Variants in GALNT18 observed in about 807,000 individuals in gnomAD.
GALNT18 encodes the protein polypeptide N-acetylgalactosaminyltransferase 18.
Under a neutral mutation model 69.5 loss-of-function variants are expected in GALNT18, and 44 were observed. The ratio of observed to expected loss-of-function variants is 0.63; its 90% CI spans 0.50 to 0.81. The LOEUF (loss-of-function observed/expected upper bound fraction) is 0.81, where lower values mean the gene tolerates loss of function less well. GALNT18 is among the 40% of genes least tolerant of loss of function. GALNT18 has a pLI of 0.00. For synonymous variants in GALNT18, 364 were observed against 318.2 expected (o/e 1.14, Z -1.53); for missense variants, 715 against 810.0 (o/e 0.88, Z 1.42).
chr11:11,376,538 G>A (rs756079488), intron 5 of GALNT18, among the ~76,000 whole-genome samples: 4 of 152,172 alleles, frequency 2.6e-5, no homozygotes, highest in Non-Finnish European at 5.9e-5. Flanking sequence ...TTGAAATGCA[G>A]TATGAAGTCA....
At chr11:11,549,496 T>G (rs183283049) in intron 1 of GALNT18, among the ~76,000 whole-genome samples, 126 of 152,350 alleles carry the variant, frequency 8.3e-4, no homozygotes, top group Middle Eastern at 3.4e-3. Context: ...TTAAGGGGCT[T>G]CTTCCATCCA....
At chr11:11,408,849 C>T (rs1178743013) in intron 3 of GALNT18, among the ~76,000 whole-genome samples, 2 of 152,156 alleles carry the variant, frequency 1.3e-5, no homozygotes, top group African/African-American at 4.8e-5. Context: ...CAGAGCAGTG[C>T]TCTGCAAAGG....
chr11:11,545,531 G>A (rs769181623), intron 1 of GALNT18, among the ~76,000 whole-genome samples: 12 of 152,164 alleles, frequency 7.9e-5, no homozygotes, highest in Non-Finnish European at 1.0e-4. Flanking sequence ...AGATAAGCGC[G>A]TGCACAGTGT....
At chr11:11,354,199 G>A (rs1040372050) in intron 6 of GALNT18, among the ~76,000 whole-genome samples, 2 of 152,190 alleles carry the variant, frequency 1.3e-5, no homozygotes, top group Admixed American at 6.5e-5. Flanking sequence ...GTCACCGATA[G>A]CAAACTCTCA....
chr11:11,414,695 C>G (rs554756623), intron 3 of GALNT18, among the ~76,000 whole-genome samples: 1 of 152,198 alleles, frequency 6.6e-6, no homozygotes, highest in African/African-American at 2.4e-5. Context: ...ACGCTGGGAG[C>G]TCTGTAAGAG....
intron 10 of GALNT18, among the ~76,000 whole-genome samples, chr11:11,273,683 C>T (rs1057391704): frequency 1.3e-5 from 2 of 152,122 alleles, no homozygotes; most frequent in Non-Finnish European, 2.9e-5. Context: ...CTAGCAATCC[C>T]ATTGTTGGGT....
chr11:11,440,380 G>C (rs1855507867), intron 2 of GALNT18, among the ~76,000 whole-genome samples: 1 of 152,206 alleles, frequency 6.6e-6, no homozygotes, highest in Non-Finnish European at 1.5e-5. Flanking sequence ...CACTCTGTGT[G>C]GTGGGTTTGT....
At chr11:11,445,554 C>T (rs933253981) in intron 2 of GALNT18, among the ~76,000 whole-genome samples, 1 of 152,192 alleles carries the variant, frequency 6.6e-6, no homozygotes, top group Non-Finnish European at 1.5e-5. Context: ...CACTGTTTTA[C>T]CTAAGCACAT....
At position 11,332,357 on chromosome 11, in the gene GALNT18, C is replaced by G. The variant is rs1009084375; in HGVS notation, c.1416+337G>C. 2.0e-4 allele frequency among the ~76,000 whole-genome samples: 31 copies of G among 152,214 alleles called. No homozygotes were observed. The highest frequency in any genetic ancestry group is 7.5e-4 in the African/African-American group (31 of 41,444). On this transcript the variant is annotated intron_variant, in intron 8 of 10. Transcript: ENST00000227756. The surrounding 1 kb of genome is among the most constrained non-coding windows in gnomAD (Gnocchi z 4.3). ...GGTGACTCATAGACCCTCAGGCACC[C>G]CAGCTGGGAGAACAGCAGGTGTTTG...
At chr11:11,380,813 T>C (rs762809343) in intron 3 of GALNT18, among the ~76,000 whole-genome samples, 4 of 152,266 alleles carry the variant, frequency 2.6e-5, no homozygotes, top group Non-Finnish European at 5.9e-5. Flanking sequence ...AGTGTTTTTG[T>C]CCCCTGATTT....
intron 10 of GALNT18, among the ~76,000 whole-genome samples, chr11:11,282,524 G>GT (rs1456402932): frequency 2.3e-4 from 35 of 152,332 alleles, no homozygotes; most frequent in Admixed American, 2.2e-3. Flanking sequence ...TAAATGAGCA[G>GT]TAAGTAGTGG....
At chr11:11,447,303 A>G (rs183471602) in intron 2 of GALNT18, among the ~76,000 whole-genome samples, 1 of 152,192 alleles carries the variant, frequency 6.6e-6, no homozygotes, top group East Asian at 1.9e-4. Context: ...GTCTTCTCTG[A>G]CCACGCAGGA....
intron 1 of GALNT18, among the ~76,000 whole-genome samples, chr11:11,506,120 C>A (rs1371608564): frequency 6.6e-6 from 1 of 152,140 alleles, no homozygotes; most frequent in African/African-American, 2.4e-5. Flanking sequence ...GTGAAGCTAC[C>A]AGTGAAAATA....
rs1404707960 is a variant in GALNT18 at position 11,271,117 on chromosome 11, G to A, written c.*27C>T. The stretch of plus-strand genomic sequence containing the variant: ...GCAGCAGGTGCTACACAGTAGCAAA[G>A]AGGCAGCCGGAAGTGGCCCCGGTGG... On this transcript the variant is annotated 3_prime_UTR_variant, in exon 11 of 11. Coordinates refer to ENST00000227756, the MANE Select transcript of GALNT18 (RefSeq NM_198516.3). 2 of 1,600,950 alleles carry A rather than the reference G, an allele frequency of 1.2e-6. No homozygotes were observed. The highest frequency in any genetic ancestry group is 1.7e-6 in the Non-Finnish European group (2 of 1,169,978).
At chr11:11,336,510 G>T (rs1285192037) in intron 7 of GALNT18, among the ~76,000 whole-genome samples, 1 of 152,188 alleles carries the variant, frequency 6.6e-6, no homozygotes, top group Non-Finnish European at 1.5e-5. Flanking sequence ...GTCTTTACAT[G>T]TATTAACTTA....
intron 2 of GALNT18, among the ~76,000 whole-genome samples, chr11:11,446,747 C>T (rs1855662057): frequency 6.6e-6 from 1 of 152,318 alleles, no homozygotes; most frequent in South Asian, 2.1e-4. Context: ...AGTATAGCAG[C>T]CACAGGCACC....
At chr11:11,370,869 G>T (rs1413017036) in intron 6 of GALNT18, among the ~76,000 whole-genome samples, 1 of 152,308 alleles carries the variant, frequency 6.6e-6, no homozygotes, top group Admixed American at 6.5e-5. Context: ...AACCCACTCA[G>T]ACAATTCCTG....
At chr11:11,493,099 A>G (rs1439488847) in intron 1 of GALNT18, among the ~76,000 whole-genome samples, 1 of 151,698 alleles carries the variant, frequency 6.6e-6, no homozygotes, top group Non-Finnish European at 1.5e-5. Flanking sequence ...TGTCTTTACT[A>G]AAAATACAAA....
intron 1 of GALNT18, among the ~76,000 whole-genome samples, chr11:11,575,876 G>C (rs1858913550): frequency 6.6e-6 from 1 of 152,192 alleles, no homozygotes; most frequent in South Asian, 2.1e-4. Context: ...ACTCCTTTGA[G>C]GACGAAATGC....
Sources: allele counts gnomAD v4.1 joint callset (sites outside exome capture counted in the v4.1 genomes callset), GRCh38; gene constraint gnomAD v4.1.1; non-coding constraint Gnocchi (gnomAD v3.1); transcripts MANE v1.5; gene names NCBI Gene and HGNC (gene_info 2026-07-23, HGNC 2026-07-21).